Variants in PPP2R5E observed in about 807,000 individuals in gnomAD.
The protein encoded by PPP2R5E is serine/threonine-protein phosphatase 2A 56 kDa regulatory subunit epsilon isoform.
Under a neutral mutation model 65.3 loss-of-function variants are expected in PPP2R5E, and 4 were observed. The ratio of observed to expected loss-of-function variants is 0.06; its 90% confidence interval spans 0.03 to 0.14. The LOEUF is 0.14. Ranked by LOEUF, PPP2R5E falls within the 10% of genes least tolerant of loss-of-function variation. PPP2R5E has a pLI of 1.00. For synonymous variants in PPP2R5E, 183 were observed against 187.4 expected, an observed-to-expected ratio of 0.98 and a Z score of 0.19; for missense variants, 274 against 556.1, an observed-to-expected ratio of 0.49 and a Z score of 5.10.
At chr14:63,537,235 C>A (rs1433974880) in intron 2 of PPP2R5E, among the ~76,000 whole-genome samples, 1 of 136,050 alleles carries the variant, frequency 7.4e-6, no homozygotes, top group Admixed American at 6.9e-5. Flanking sequence ...CCTTCTAATT[C>A]TAAAAAAAAA....
intron 2 of PPP2R5E, among the ~76,000 whole-genome samples, chr14:63,484,569 G>C (rs1890890159): frequency 6.6e-6 from 1 of 152,078 alleles, no homozygotes; most frequent in African/African-American, 2.4e-5. Context: ...ATGAGGCAAT[G>C]ACAAGAACGA....
intron 2 of PPP2R5E, among the ~76,000 whole-genome samples, chr14:63,485,732 G>A (rs1382917410): frequency 6.6e-6 from 1 of 151,466 alleles, no homozygotes; most frequent in Non-Finnish European, 1.5e-5. Context: ...TTTTTTTAAG[G>A]TAGAGAAAAA....
intron 10 of PPP2R5E, among the ~76,000 whole-genome samples, chr14:63,390,426 T>C (rs554871788): frequency 6.6e-6 from 1 of 152,178 alleles, no homozygotes; most frequent in East Asian, 1.9e-4. Context: ...TGGAGCCAAA[T>C]CTGCAGTAGA....
chr14:63,490,063 C>T (rs771895098), intron 2 of PPP2R5E, among the ~76,000 whole-genome samples: 13 of 151,880 alleles, frequency 8.6e-5, no homozygotes, highest in Non-Finnish European at 1.5e-4. Context: ...TCTGAATGAC[C>T]TCTAGCTAAT....
intron 1 of PPP2R5E, among the ~76,000 whole-genome samples, chr14:63,542,155 C>A (rs139533935): frequency 6.6e-6 from 1 of 152,218 alleles, no homozygotes; most frequent in African/African-American, 2.4e-5. Context: ...TTAAAAAAAT[C>A]ATTTACCCCT....
intron 2 of PPP2R5E, among the ~76,000 whole-genome samples, chr14:63,534,612 C>T (rs1204633073): frequency 1.3e-5 from 2 of 152,068 alleles, no homozygotes; most frequent in Non-Finnish European, 2.9e-5. Context: ...ATCTTTTAGA[C>T]TCAAAGAAAA....
chr14:63,522,709 G>A lies in PPP2R5E; in HGVS notation c.157+16820C>T, dbSNP rs545534351. On this transcript the variant is annotated intron_variant, in intron 2 of 13. Transcript: ENST00000337537. Reference sequence around the variant, plus strand: ...TGGGAGGAGAGGAGCGTCTCTGCCCGGCCGCCCCGTCTGAGAAGTGAGGAG... The same window carrying A: ...TGGGAGGAGAGGAGCGTCTCTGCCCAGCCGCCCCGTCTGAGAAGTGAGGAG... Among the ~76,000 whole-genome samples the A allele has an allele frequency of 6.3e-3, 933 of 147,692 alleles. 10 individuals carry two copies. The highest frequency in any genetic ancestry group is 0.035 in the Admixed American group (520 of 14,930).
At chr14:63,502,202 GT>G (rs1185404932) in intron 2 of PPP2R5E, among the ~76,000 whole-genome samples, 2 of 152,048 alleles carry the variant, frequency 1.3e-5, no homozygotes, top group Non-Finnish European at 2.9e-5. Flanking sequence ...GCTGGAAGTT[GT>G]TTTTTTAAAT....
At chr14:63,379,050 A>T (rs1884158764) in intron 13 of PPP2R5E, among the ~76,000 whole-genome samples, 1 of 147,850 alleles carries the variant, frequency 6.8e-6, no homozygotes, top group Non-Finnish European at 1.5e-5. Flanking sequence ...TTTTTTCGAG[A>T]CGGAGTCTCG....
At chr14:63,496,666 A>C (rs780546826) in intron 2 of PPP2R5E, among the ~76,000 whole-genome samples, 37 of 152,122 alleles carry the variant, frequency 2.4e-4, no homozygotes, top group Non-Finnish European at 4.9e-4. Flanking sequence ...GCAGAATCTC[A>C]TCATATGCAG....
At chr14:63,378,284 C>A (rs1884104055) in intron 13 of PPP2R5E, among the ~76,000 whole-genome samples, 1 of 152,182 alleles carries the variant, frequency 6.6e-6, no homozygotes, top group Admixed American at 6.5e-5. Flanking sequence ...TTCAGGTTCA[C>A]ATTGCCCTAA....
At chr14:63,390,868 C>T (rs915411374) in intron 10 of PPP2R5E, among the ~76,000 whole-genome samples, 30 of 152,278 alleles carry the variant, frequency 2.0e-4, no homozygotes, top group Admixed American at 1.2e-3. Context: ...CTCAGTTAGG[C>T]TCAACTCCAG....
At chr14:63,404,476 C>T (rs996682876) in intron 5 of PPP2R5E, among the ~76,000 whole-genome samples, 4 of 152,080 alleles carry the variant, frequency 2.6e-5, no homozygotes, top group Non-Finnish European at 5.9e-5. Context: ...GAAAACAGCC[C>T]AGAACAAAGA....
At chr14:63,385,054 C>T (rs564800622) in intron 11 of PPP2R5E, among the ~76,000 whole-genome samples, 2 of 151,956 alleles carry the variant, frequency 1.3e-5, no homozygotes, top group South Asian at 4.2e-4. Context: ...GGGCCAGGCA[C>T]GGTGGCTCAC....
chr14:63,447,716 G>T (rs1888562768), intron 3 of PPP2R5E, among the ~76,000 whole-genome samples: 1 of 152,146 alleles, frequency 6.6e-6, no homozygotes, highest in South Asian at 2.1e-4. Flanking sequence ...CTAGCTTTTG[G>T]TCTGTTTCAG....
rs151014155 is a variant in PPP2R5E at position 63,453,698 on chromosome 14, T to C, written c.345A>G (p.Val115=). ...AAAAAAAGAAACTCACCATTCTAACTACTTCAGGGTAAGTCTGCTCTGTCA... is the reference window on the plus strand; with the variant it reads ...AAAAAAAGAAACTCACCATTCTAACCACTTCAGGGTAAGTCTGCTCTGTCA... ...GCLTEQTYPE[V]VRMVSCNIFR... is the part of the protein sequence containing the mutation. Residue 115 remains valine (V), a synonymous_variant, in exon 3 of 14, where the codon GTA becomes GTG. Coordinates refer to ENST00000337537, the MANE Select transcript of PPP2R5E (RefSeq NM_006246.5). The C allele has an allele frequency of 6.8e-6, 11 of 1,613,426 alleles. No individual in the cohort carries two copies. Among genetic ancestry groups the C allele is most frequent in the Admixed American group, 3.3e-5 (2 of 59,816 alleles).
chr14:63,488,346 C>T (rs1393518025), intron 2 of PPP2R5E, among the ~76,000 whole-genome samples: 4 of 151,986 alleles, frequency 2.6e-5, no homozygotes, highest in Non-Finnish European at 4.4e-5. Flanking sequence ...TAGAGGCGCA[C>T]ACCACCATGC....
At chr14:63,440,751 A>G (rs1888187520) in intron 3 of PPP2R5E, among the ~76,000 whole-genome samples, 1 of 148,304 alleles carries the variant, frequency 6.7e-6, no homozygotes, top group African/African-American at 2.6e-5. Flanking sequence ...ATCCTGGCTA[A>G]CACAGTGAAA....
chr14:63,523,411 C>G (rs1435191531), intron 2 of PPP2R5E, among the ~76,000 whole-genome samples: 2 of 152,052 alleles, frequency 1.3e-5, no homozygotes, highest in African/African-American at 2.4e-5. Context: ...GACCTTACCC[C>G]CAACCCTGTG....
Sources: allele counts gnomAD v4.1 joint callset (sites outside exome capture counted in the v4.1 genomes callset), GRCh38; gene constraint gnomAD v4.1.1; transcripts MANE v1.5; gene names NCBI Gene and HGNC (gene_info 2026-07-23, HGNC 2026-07-21).